RANBP2: variants seen among roughly 807,000 people sequenced by gnomAD.
RANBP2 encodes the protein RAN binding protein 2.
RANBP2 carries 57 observed loss-of-function variants against 303.6 expected under a neutral mutation model. The ratio of observed to expected loss-of-function variants is 0.19; its 90% CI spans 0.15 to 0.23. The LOEUF (loss-of-function observed/expected upper bound fraction) is 0.23. Among genes scored for constraint, RANBP2 ranks in the 10% least tolerant of loss-of-function variants. The pLI is 1.00. For missense variants in RANBP2, 3,138 were observed against 3,780.8 expected, an observed-to-expected ratio of 0.83 and a Z score of 4.46; for synonymous variants, 1,167 against 1,301.5, an observed-to-expected ratio of 0.90 and a Z score of 2.23.
chr2:109,178,866 A>G, the RANBP2 span, among the ~76,000 whole-genome samples: 1 of 152,250 alleles, frequency 6.6e-6, no homozygotes, highest in Non-Finnish European at 1.5e-5. Context: ...TTAATAAATG[A>G]ATTAAATGAT....
the RANBP2 span, among the ~76,000 whole-genome samples, chr2:109,416,859 C>T: frequency 6.7e-6 from 1 of 149,896 alleles, no homozygotes. Context: ...GAGCTGAGAT[C>T]GCGCCACTGC....
chr2:109,578,368 C>T, the RANBP2 span, among the ~76,000 whole-genome samples: 2 of 152,132 alleles, frequency 1.3e-5, no homozygotes, highest in African/African-American at 2.4e-5. Context: ...AGGAAAGCTG[C>T]AGACAATACT....
the RANBP2 span, among the ~76,000 whole-genome samples, chr2:109,071,472 A>G: frequency 6.6e-6 from 1 of 152,104 alleles, no homozygotes; most frequent in African/African-American, 2.4e-5. Context: ...TTAGGAGTTC[A>G]AGACCAGCCT....
chr2:108,754,845 G>GT (rs1676174046), intron 15 of RANBP2, 60 bp from the exon 16 acceptor site: 1 of 1,606,642 alleles, frequency 6.2e-7, no homozygotes, highest in African/African-American at 1.3e-5. Flanking sequence ...TCATTTTAGA[G>GT]TTTTTACTTT....
the RANBP2 span, among the ~76,000 whole-genome samples, chr2:109,135,141 G>T: frequency 6.6e-6 from 1 of 152,228 alleles, no homozygotes; most frequent in Admixed American, 6.5e-5. Flanking sequence ...AGACAGCAGG[G>T]TTTCTTCCCC....
At chr2:108,759,343 A>G (rs1034995495) in intron 18 of RANBP2, among the ~76,000 whole-genome samples, 4 of 152,200 alleles carry the variant, frequency 2.6e-5, no homozygotes, top group African/African-American at 9.7e-5. Flanking sequence ...TTATACAGCT[A>G]GTTATTGATA....
the RANBP2 span, among the ~76,000 whole-genome samples, chr2:109,479,077 C>T: frequency 1.1e-4 from 16 of 152,278 alleles, no homozygotes; most frequent in African/African-American, 3.6e-4. Flanking sequence ...GAACCTTGGC[C>T]GGGCTGCAGG....
At chr2:108,727,728 A>C (rs1039141711) in intron 1 of RANBP2, among the ~76,000 whole-genome samples, 7 of 149,900 alleles carry the variant, frequency 4.7e-5, no homozygotes, top group African/African-American at 1.7e-4. Context: ...TCAGCCTCCC[A>C]AGCAGTGGGG....
chr2:108,731,577 G>A (rs2149108339), intron 4 of RANBP2, 103 bp downstream of exon 4: 1 of 1,573,274 alleles, frequency 6.4e-7, no homozygotes, highest in Admixed American at 2.0e-5. Context: ...CCAGGTGTTA[G>A]TGTTTCCTTT....
At chr2:109,225,933 A>C in the RANBP2 span, among the ~76,000 whole-genome samples, 1 of 152,152 alleles carries the variant, frequency 6.6e-6, no homozygotes, top group East Asian at 1.9e-4. Context: ...GCCAGCTAAA[A>C]GTTTGCTTTC....
At chr2:109,228,774 G>A in the RANBP2 span, among the ~76,000 whole-genome samples, 1 of 152,194 alleles carries the variant, frequency 6.6e-6, no homozygotes, top group African/African-American at 2.4e-5. Flanking sequence ...TCTCTGTGGA[G>A]TTAGATGTAC....
At chr2:109,336,540 T>C in the RANBP2 span, among the ~76,000 whole-genome samples, 587 of 152,338 alleles carry the variant, frequency 3.9e-3, 1 homozygote, top group Non-Finnish European at 6.4e-3. Flanking sequence ...AGGCTGCTCT[T>C]GAAGGAACCA....
At chr2:109,436,887 C>T in the RANBP2 span, 1 of 1,612,390 alleles carries the variant, frequency 6.2e-7, no homozygotes. Context: ...TGCTTTCTCT[C>T]CACAGGGTGC....
the RANBP2 span, among the ~76,000 whole-genome samples, chr2:109,038,320 T>C: frequency 6.6e-6 from 1 of 152,108 alleles, no homozygotes; most frequent in Non-Finnish European, 1.5e-5. Flanking sequence ...GATATATGAA[T>C]TGAACCTCAG....
At chr2:109,332,360 C>T in the RANBP2 span, among the ~76,000 whole-genome samples, 1 of 152,118 alleles carries the variant, frequency 6.6e-6, no homozygotes, top group Non-Finnish European at 1.5e-5. Context: ...TGCACTTGCT[C>T]CTTCCTTCTC....
At chr2:108,972,822 C>T in the RANBP2 span, among the ~76,000 whole-genome samples, 1 of 152,230 alleles carries the variant, frequency 6.6e-6, no homozygotes, top group African/African-American at 2.4e-5. Flanking sequence ...ACTCTTCCTC[C>T]AACCTCCCCA....
At chr2:109,390,165 A>G in the RANBP2 span, among the ~76,000 whole-genome samples, 4 of 152,224 alleles carry the variant, frequency 2.6e-5, no homozygotes, top group Admixed American at 2.6e-4. Context: ...CACTGTCCCA[A>G]CAGAGAGACT....
the RANBP2 span, among the ~76,000 whole-genome samples, chr2:109,143,457 A>C: frequency 6.6e-6 from 1 of 152,168 alleles, no homozygotes; most frequent in Non-Finnish European, 1.5e-5. Context: ...AAGAAAGTGC[A>C]GTGGGCTGGG....
the RANBP2 span, among the ~76,000 whole-genome samples, chr2:109,692,817 TTTC>T: frequency 3.7e-5 from 5 of 135,826 alleles, no homozygotes; most frequent in Admixed American, 3.8e-4. Context: ...TTTTTCTTTC[TTTC>T]TTTTTTTTTT....
Sources: gnomAD v4.1 joint callset for allele counts (sites outside exome capture counted in the v4.1 genomes callset) on GRCh38, gnomAD v4.1.1 for gene constraint, MANE v1.5 for transcripts, NCBI Gene and HGNC (gene_info 2026-07-23, HGNC 2026-07-21) for gene names.